ZNF475: variants seen among roughly 807,000 people sequenced by gnomAD.
ZNF475 encodes the protein zinc finger protein 475.
At chr5:122,181,835 C>G in the ZNF475 span, among the ~76,000 whole-genome samples, 7 of 152,120 alleles carry the variant, frequency 4.6e-5, no homozygotes, top group Non-Finnish European at 8.8e-5. Context: ...TATGCTCTGC[C>G]AATGAAGGTT....
the ZNF475 span, among the ~76,000 whole-genome samples, chr5:122,172,927 G>A: frequency 1.3e-5 from 2 of 152,064 alleles, no homozygotes; most frequent in African/African-American, 4.8e-5. Flanking sequence ...CAGGTACTCG[G>A]GAGGCTGAGG....
chr5:122,178,687 C>T, the ZNF475 span, among the ~76,000 whole-genome samples: 4 of 152,030 alleles, frequency 2.6e-5, no homozygotes, highest in African/African-American at 7.2e-5. Context: ...TTGTAGGTTG[C>T]CTGTTCACTC....
the ZNF475 span, among the ~76,000 whole-genome samples, chr5:122,178,823 T>C: frequency 6.6e-6 from 1 of 152,226 alleles, no homozygotes; most frequent in Non-Finnish European, 1.5e-5. Context: ...GCCTATGTCC[T>C]GAATGGTATT....
chr5:122,180,237 G>A, the ZNF475 span, among the ~76,000 whole-genome samples: 1 of 152,162 alleles, frequency 6.6e-6, no homozygotes, highest in African/African-American at 2.4e-5. Flanking sequence ...GCACCAAAGG[G>A]GAGGTAAGGA....
At chr5:122,172,154 T>C in the ZNF475 span, among the ~76,000 whole-genome samples, 1 of 152,218 alleles carries the variant, frequency 6.6e-6, no homozygotes, top group African/African-American at 2.4e-5. Context: ...CATCCCTTGA[T>C]TTCTTATATT....
the ZNF475 span, among the ~76,000 whole-genome samples, chr5:122,161,388 T>C: frequency 6.6e-6 from 1 of 152,226 alleles, no homozygotes. Flanking sequence ...GGTCCCATGT[T>C]AAAGCTTCAA....
chr5:122,162,266 C>T, the ZNF475 span: 1 of 152,316 alleles, frequency 6.6e-6, no homozygotes, highest in East Asian at 1.9e-4. Context: ...GTAACAGACT[C>T]TTTTATGGTT....
At chr5:122,177,518 A>G in the ZNF475 span, among the ~76,000 whole-genome samples, 6 of 152,178 alleles carry the variant, frequency 3.9e-5, no homozygotes, top group Admixed American at 3.9e-4. Flanking sequence ...TTTATATAGT[A>G]CCAATATGAA....
the ZNF475 span, among the ~76,000 whole-genome samples, chr5:122,173,681 A>C: frequency 2.0e-5 from 3 of 152,206 alleles, no homozygotes; most frequent in East Asian, 5.8e-4. Flanking sequence ...ACATATGAAA[A>C]GTTAGTGGAT....
the ZNF475 span, chr5:122,179,813 A>G: frequency 4.5e-5 from 48 of 1,061,618 alleles, no homozygotes; most frequent in Admixed American, 1.1e-4. Context: ...TTCTTTTTTC[A>G]CTTGTTCAAA....
chr5:122,160,272 C>A, the ZNF475 span: 9 of 1,289,718 alleles, frequency 7.0e-6, no homozygotes, highest in East Asian at 4.4e-4. Flanking sequence ...GGTAACAGGA[C>A]CAGTTCTCTT....
chr5:122,169,871 GTT>G, the ZNF475 span, among the ~76,000 whole-genome samples: 642 of 152,238 alleles, frequency 4.2e-3, 7 homozygotes, highest in African/African-American at 0.015. Context: ...TGACTAATGC[GTT>G]CAGGTGTGGG....
At chr5:122,172,322 C>G in the ZNF475 span, among the ~76,000 whole-genome samples, 1 of 152,212 alleles carries the variant, frequency 6.6e-6, no homozygotes. Flanking sequence ...TAGAATCACC[C>G]TAAAGCCAGA....
chr5:122,163,950 C>G, the ZNF475 span, among the ~76,000 whole-genome samples: 1 of 150,700 alleles, frequency 6.6e-6, no homozygotes, highest in Non-Finnish European at 1.5e-5. Context: ...CTCTGTGTCA[C>G]CTTTTTTTTT....
chr5:122,164,629 A>C, the ZNF475 span, among the ~76,000 whole-genome samples: 5 of 152,172 alleles, frequency 3.3e-5, no homozygotes, highest in Non-Finnish European at 7.3e-5. Flanking sequence ...CACCTGTGGG[A>C]GTCTCTGGAA....
At chr5:122,182,493 A>G in the ZNF475 span, 1 of 1,447,994 alleles carries the variant, frequency 6.9e-7, no homozygotes, top group South Asian at 1.5e-5. Flanking sequence ...CTTTCCAGCC[A>G]AAGGCTTCTA....
chr5:122,160,619 A>G, the ZNF475 span, among the ~76,000 whole-genome samples: 1 of 152,202 alleles, frequency 6.6e-6, no homozygotes, highest in Non-Finnish European at 1.5e-5. Flanking sequence ...GCGCTTCTGT[A>G]TGTGGCTTTC....
At chr5:122,164,583 G>C in the ZNF475 span, among the ~76,000 whole-genome samples, 1 of 152,148 alleles carries the variant, frequency 6.6e-6, no homozygotes. Context: ...CCTGAGCATA[G>C]GGTAACTCAC....
the ZNF475 span, among the ~76,000 whole-genome samples, chr5:122,175,275 A>G: frequency 6.6e-6 from 1 of 152,108 alleles, no homozygotes; most frequent in Admixed American, 6.6e-5. Context: ...TGGTTTTGAT[A>G]TTGGTCTGTG....
Sources: gnomAD v4.1 joint callset for allele counts (sites outside exome capture counted in the v4.1 genomes callset) on GRCh38, gnomAD v4.1.1 for gene constraint, MANE v1.5 for transcripts, NCBI Gene and HGNC (gene_info 2026-07-23, HGNC 2026-07-21) for gene names.